Variants in ULK4 observed in about 807,000 individuals in gnomAD.
ULK4 encodes unc-51 like kinase 4.
ULK4 carries 133 observed loss-of-function variants against 160.6 expected under a neutral mutation model. The observed-to-expected ratio is 0.83, with a 90% confidence interval of 0.72 to 0.96. The LOEUF is 0.96. Ranked by LOEUF, ULK4 falls within the 40% of genes least tolerant of loss-of-function variation. The pLI, the probability that ULK4 is intolerant of heterozygous loss-of-function variation, is 0.00. For missense variants in ULK4, 1,580 were observed against 1,499.5 expected, an observed-to-expected ratio of 1.05 and a Z score of -0.89; for synonymous variants, 534 against 539.8, an observed-to-expected ratio of 0.99 and a Z score of 0.15.
chr3:41,722,858 T>C (rs1284765882), intron 22 of ULK4, among the ~76,000 whole-genome samples: 1 of 152,200 alleles, frequency 6.6e-6, no homozygotes, highest in East Asian at 1.9e-4. Flanking sequence ...GCTTTCAGCT[T>C]TTCTTCTCAA....
At position 41,919,791 on chromosome 3, in the gene ULK4, A is replaced by G. The variant is rs1176533108; in HGVS notation, c.569T>C (p.Val190Ala). The G allele has an allele frequency of 2.9e-5, 46 of 1,613,830 alleles. No homozygotes were observed. The highest frequency in any genetic ancestry group is 3.9e-5 in the Non-Finnish European group (46 of 1,179,930). ...GATGGAAAAGTCAGCACCCCTCACA[A>G]CTTCTGGTGCTGTATATACAGGAGA... ...KGSPVYTAPE[V>A]VRGADFSISS... The change falls in exon 6 of 37, where the codon GTT (valine) becomes GCT (alanine). Residue 190 changes from valine (V) to alanine (A), a missense_variant. Val to Ala is a moderately conservative substitution (Grantham distance 64). Transcript: ENST00000301831.
chr3:41,529,741 C>T (rs146923986), intron 32 of ULK4, among the ~76,000 whole-genome samples: 4,297 of 152,312 alleles, frequency 0.028, 182 homozygotes, highest in African/African-American at 0.093. Context: ...AATCCACCTG[C>T]CTCAGCCTCC....
intron 31 of ULK4, among the ~76,000 whole-genome samples, chr3:41,580,065 C>G (rs527261752): frequency 2.0e-5 from 3 of 152,158 alleles, no homozygotes; most frequent in South Asian, 2.1e-4. Context: ...CACAGAGTAA[C>G]GGTGTCACAG....
chr3:41,625,835 A>C (rs2033480736), intron 30 of ULK4, among the ~76,000 whole-genome samples: 2 of 152,190 alleles, frequency 1.3e-5, no homozygotes, highest in African/African-American at 2.4e-5. Context: ...TTAAACCAAA[A>C]CCAAACAAAA....
intron 35 of ULK4, among the ~76,000 whole-genome samples, chr3:41,358,105 C>T (rs537950158): frequency 1.1e-4 from 17 of 152,342 alleles, no homozygotes; most frequent in Non-Finnish European, 1.3e-4. Context: ...CATTACACCA[C>T]ACTGCCTCTC....
intron 9 of ULK4, 65 bp from the exon 10 acceptor site, chr3:41,911,724 G>C: frequency 8.2e-7 from 1 of 1,220,136 alleles, no homozygotes; most frequent in Non-Finnish European, 1.2e-6. Flanking sequence ...TTATGTTAGA[G>C]AAAAAGAGGT....
intron 17 of ULK4, among the ~76,000 whole-genome samples, chr3:41,837,866 A>G (rs1298567202): frequency 6.6e-6 from 1 of 152,180 alleles, no homozygotes; most frequent in Non-Finnish European, 1.5e-5. Flanking sequence ...CAGCCAGTTC[A>G]TTCCTTCTTA....
chr3:41,773,338 A>G (rs971585455), intron 21 of ULK4, among the ~76,000 whole-genome samples: 2 of 152,204 alleles, frequency 1.3e-5, no homozygotes, highest in Non-Finnish European at 2.9e-5. Context: ...TCTCAGCCCA[A>G]AATATCCTTA....
chr3:41,661,259 A>C (rs1448283418), intron 30 of ULK4, among the ~76,000 whole-genome samples: 2 of 152,334 alleles, frequency 1.3e-5, no homozygotes, highest in East Asian at 3.9e-4. Context: ...AAGAGTATGA[A>C]TAAATATGAT....
intron 30 of ULK4, among the ~76,000 whole-genome samples, chr3:41,654,578 A>G (rs1319791679): frequency 1.3e-5 from 2 of 152,222 alleles, no homozygotes; most frequent in African/African-American, 2.4e-5. Flanking sequence ...TAATCCTAAA[A>G]TCAAGGCAGA....
intron 2 of ULK4, among the ~76,000 whole-genome samples, chr3:41,944,769 C>T (rs901293762): frequency 8.5e-5 from 13 of 152,048 alleles, no homozygotes; most frequent in Admixed American, 5.2e-4. Flanking sequence ...TATTTCAGTT[C>T]CAGCTTTCAT....
At chr3:41,959,424 G>T (rs981074119) in intron 1 of ULK4, among the ~76,000 whole-genome samples, 1 of 151,340 alleles carries the variant, frequency 6.6e-6, no homozygotes, top group Non-Finnish European at 1.5e-5. Flanking sequence ...CTATTCCGGA[G>T]GCTGAAGCAA....
intron 32 of ULK4, among the ~76,000 whole-genome samples, chr3:41,555,787 G>C (rs2087271202): frequency 6.6e-6 from 1 of 152,202 alleles, no homozygotes; most frequent in African/African-American, 2.4e-5. Flanking sequence ...ATCAATGATA[G>C]CCTGGATAAA....
chr3:41,336,545 G>A lies in ULK4; in HGVS notation c.3678+61534C>T, dbSNP rs116411799. On this transcript the variant is annotated intron_variant, in intron 35 of 36. Coordinates refer to ENST00000301831, the MANE Select transcript of ULK4 (RefSeq NM_017886.4). The stretch of plus-strand genomic sequence containing the variant: ...CAACACATGCCTTATGGCGTAAGGC[G>A]AGAACTTGCTGGTACAGGCAGGCAT... Among the ~76,000 whole-genome samples the A allele has an allele frequency of 4.1e-3, 626 of 152,316 alleles. 6 individuals carry two copies. The highest frequency in any genetic ancestry group is 0.014 in the African/African-American group (577 of 41,584).
chr3:41,936,813 A>G (rs1699790763), intron 3 of ULK4, among the ~76,000 whole-genome samples: 1 of 152,222 alleles, frequency 6.6e-6, no homozygotes, highest in Non-Finnish European at 1.5e-5. Context: ...GTTAATGGGT[A>G]CAAATAAATA....
chr3:41,855,556 C>T (rs969251644), intron 17 of ULK4, among the ~76,000 whole-genome samples: 4 of 151,968 alleles, frequency 2.6e-5, no homozygotes, highest in African/African-American at 9.7e-5. Flanking sequence ...CTTTAGATAC[C>T]GTAATAACTT....
At chr3:41,263,718 C>G (rs1324163194) in intron 35 of ULK4, among the ~76,000 whole-genome samples, 1 of 152,198 alleles carries the variant, frequency 6.6e-6, no homozygotes, top group Non-Finnish European at 1.5e-5. Context: ...TCCTCACACC[C>G]AAGGCCCTCA....
Position 41,721,612 on chromosome 3 carries a change from C to T in ULK4, c.2322-3751G>A, listed in dbSNP as rs770955069. Reference sequence around the variant, plus strand: ...TCAACTTCTGACCTCGTGATCCACCCGCCTCAGCCTCCCAAAGTGCTGGGA... The same window carrying T: ...TCAACTTCTGACCTCGTGATCCACCTGCCTCAGCCTCCCAAAGTGCTGGGA... On this transcript the variant is annotated intron_variant, in intron 22 of 36. Coordinates refer to ENST00000301831, the MANE Select transcript of ULK4 (RefSeq NM_017886.4). Among the ~76,000 whole-genome samples the T allele has an allele frequency of 2.6e-5, 4 of 151,636 alleles. No individual in the cohort carries two copies. In the East Asian group the frequency reaches 7.8e-4, roughly 30 times the overall value.
At chr3:41,687,157 G>A (rs112609982) in intron 27 of ULK4, among the ~76,000 whole-genome samples, 10,831 of 152,082 alleles carry the variant, frequency 0.071, 1,100 homozygotes, top group African/African-American at 0.23. Context: ...GGCAGATCAC[G>A]AGGTCAAGAG....
Sources: gnomAD v4.1 joint callset for allele counts (sites outside exome capture counted in the v4.1 genomes callset) on GRCh38, gnomAD v4.1.1 for gene constraint, MANE v1.5 for transcripts, NCBI Gene and HGNC (gene_info 2026-07-23, HGNC 2026-07-21) for gene names.